The following SCFD2 variants were observed in gnomAD, a reference collection of about 807,000 sequenced individuals.
SCFD2 encodes sec1 family domain-containing protein 2.
In SCFD2, 54 loss-of-function variants were observed where a neutral mutation model predicts 58.9. The ratio of observed to expected loss-of-function variants is 0.92; its 90% CI spans 0.74 to 1.15. The LOEUF is 1.15. Among genes scored for constraint, SCFD2 ranks in the 50% most tolerant of loss-of-function variants. The probability of loss-of-function intolerance (pLI) is 0.00; values close to 1 mark genes in which losing one functional copy is unlikely to be tolerated. For synonymous variants in SCFD2, 321 were observed against 335.9 expected (o/e 0.96, Z 0.49); for missense variants, 805 against 836.6 (o/e 0.96, Z 0.47).
At chr4:53,330,205 G>A (rs932893944) in intron 2 of SCFD2, among the ~76,000 whole-genome samples, 7 of 152,104 alleles carry the variant, frequency 4.6e-5, no homozygotes, top group Admixed American at 1.3e-4. Context: ...CCCCAATCTC[G>A]CAAGGCAAGC....
intron 4 of SCFD2, among the ~76,000 whole-genome samples, chr4:53,175,645 G>C (rs1361833120): frequency 6.6e-6 from 1 of 152,068 alleles, no homozygotes; most frequent in Non-Finnish European, 1.5e-5. Flanking sequence ...GACTAATTTA[G>C]GACACTTTGG....
intron 3 of SCFD2, among the ~76,000 whole-genome samples, chr4:53,276,967 G>A (rs1250742646): frequency 2.6e-5 from 4 of 152,094 alleles, no homozygotes; most frequent in African/African-American, 9.7e-5. Context: ...TCCTATATCT[G>A]TTTTGGTGAA....
intron 1 of SCFD2, among the ~76,000 whole-genome samples, chr4:53,363,256 T>C (rs1350699812): frequency 1.3e-5 from 2 of 152,100 alleles, no homozygotes; most frequent in African/African-American, 4.8e-5. Flanking sequence ...CACCTTAGCC[T>C]CCTGAGTGGC....
At chr4:52,886,462 C>T (rs565231833) in intron 7 of SCFD2, among the ~76,000 whole-genome samples, 94 of 152,340 alleles carry the variant, frequency 6.2e-4, no homozygotes, top group African/African-American at 1.9e-3. Context: ...CAGGAACCAC[C>T]AAATGTGGGT....
At chr4:53,292,250 T>C (rs560243660) in intron 3 of SCFD2, among the ~76,000 whole-genome samples, 55 of 152,128 alleles carry the variant, frequency 3.6e-4, no homozygotes, top group African/African-American at 1.2e-3. Context: ...TAACTATCCT[T>C]AGAGCAAACA....
intron 1 of SCFD2, among the ~76,000 whole-genome samples, chr4:53,355,695 C>T (rs1024150911): frequency 1.3e-4 from 20 of 152,180 alleles, no homozygotes; most frequent in African/African-American, 4.6e-4. Context: ...AAAGCATTCC[C>T]TCAACCTACC....
At chr4:52,885,688 CA>C in intron 8 of SCFD2, 58 bp downstream of exon 8, 1 of 1,602,322 alleles carries the variant, frequency 6.2e-7, no homozygotes, top group Non-Finnish European at 8.5e-7. Flanking sequence ...GGAGGGCCCT[CA>C]CCCACCCTTC....
chr4:53,353,235 C>T (rs946028219), intron 1 of SCFD2, among the ~76,000 whole-genome samples: 1 of 152,244 alleles, frequency 6.6e-6, no homozygotes, highest in East Asian at 1.9e-4. Flanking sequence ...AGTGTTACAG[C>T]TCTTAAGGCA....
intron 5 of SCFD2, among the ~76,000 whole-genome samples, chr4:53,064,620 T>C (rs1475382017): frequency 2.6e-5 from 4 of 152,126 alleles, no homozygotes; most frequent in African/African-American, 4.8e-5. Context: ...CAGTAAGACA[T>C]AGTGGTTGAG....
intron 7 of SCFD2, among the ~76,000 whole-genome samples, chr4:52,904,426 G>A (rs1241336406): frequency 1.3e-5 from 2 of 152,214 alleles, no homozygotes; most frequent in South Asian, 2.1e-4. Flanking sequence ...AGAAAGAAAT[G>A]AGCAATAACT....
intron 5 of SCFD2, among the ~76,000 whole-genome samples, chr4:53,016,961 A>C (rs1225640189): frequency 6.6e-6 from 1 of 152,196 alleles, no homozygotes; most frequent in African/African-American, 2.4e-5. Flanking sequence ...ACAAAAAATT[A>C]GCCAGGCGTG....
In SCFD2 at chr4:52,925,834, A is replaced by G. The variant is rs891792102; in HGVS notation, c.1562-4964T>C. On this transcript the variant is annotated intron_variant, in intron 5 of 8. Transcript: ENST00000401642. ...GGCCCTCAAACCCCTAGGGTGCCCT[A>G]TGTTCTTCCATAACCGGGGGATGAC... Among the ~76,000 whole-genome samples the G allele has an allele frequency of 8.5e-5, 13 of 152,052 alleles. No individual in the cohort carries two copies. The South Asian group carries it at 1.4e-3, about 17-fold the overall frequency.
At chr4:52,979,066 G>T (rs76673134) in intron 5 of SCFD2, among the ~76,000 whole-genome samples, 2,323 of 65,634 alleles carry the variant, frequency 0.035, 63 homozygotes, top group African/African-American at 0.079. Flanking sequence ...GCCTTTTTTT[G>T]GGGGGGGGAG....
chr4:53,243,299 G>A (rs1729959123), intron 4 of SCFD2, among the ~76,000 whole-genome samples: 1 of 152,164 alleles, frequency 6.6e-6, no homozygotes, highest in Non-Finnish European at 1.5e-5. Context: ...AACCCTAAAA[G>A]CTAGAAGAGA....
chr4:53,241,333 G>A (rs1193185337), intron 4 of SCFD2, among the ~76,000 whole-genome samples: 1 of 152,184 alleles, frequency 6.6e-6, no homozygotes, highest in Non-Finnish European at 1.5e-5. Context: ...TGCCATAGGA[G>A]ACTTTAGCCC....
rs191717961 is a variant in SCFD2, at chr4:53,235,638, T to C, written c.1311+38188A>G. Among the ~76,000 whole-genome samples the C allele has an allele frequency of 9.6e-4, 146 of 152,364 alleles. 1 individual carries two copies. The highest frequency in any genetic ancestry group is 3.4e-3 in the Middle Eastern group (1 of 294). ...CCTTGAGAAGCCCACAATTGAGTTT[T>C]GATCTGAGCCAGCTATGTGAAGAGA... On this transcript the variant is annotated intron_variant, in intron 4 of 8. Transcript: ENST00000401642.
At chr4:52,914,021 A>G (rs1402440169) in intron 6 of SCFD2, among the ~76,000 whole-genome samples, 1 of 152,234 alleles carries the variant, frequency 6.6e-6, no homozygotes. Flanking sequence ...CATTAATGTA[A>G]ATATTTCCTT....
At chr4:53,285,663 T>C (rs1731642332) in intron 3 of SCFD2, among the ~76,000 whole-genome samples, 1 of 151,998 alleles carries the variant, frequency 6.6e-6, no homozygotes, top group Non-Finnish European at 1.5e-5. Context: ...GTGGAAACCA[T>C]GTGGGGCACA....
At chr4:53,248,452 G>A (rs1236734300) in intron 4 of SCFD2, among the ~76,000 whole-genome samples, 1 of 152,214 alleles carries the variant, frequency 6.6e-6, no homozygotes, top group Non-Finnish European at 1.5e-5. Context: ...GCCTCTGTAG[G>A]CTCCACCTCT....
Sources: allele counts gnomAD v4.1 joint callset (sites outside exome capture counted in the v4.1 genomes callset), GRCh38; gene constraint gnomAD v4.1.1; transcripts MANE v1.5; gene names NCBI Gene and HGNC (gene_info 2026-07-23, HGNC 2026-07-21).